Variants in BMP1 observed in about 807,000 individuals in gnomAD.
BMP1 encodes the protein bone morphogenetic protein 1.
A neutral mutation model predicts 116.8 loss-of-function variants in BMP1; 63 were observed. The observed-to-expected ratio is 0.54, with a 90% CI of 0.44 to 0.67. The LOEUF is 0.67. BMP1 is among the 30% of genes least tolerant of loss of function. The pLI, the probability that BMP1 is intolerant of heterozygous loss-of-function variation, is 0.00. For synonymous variants in BMP1, 536 were observed against 533.4 expected, an observed-to-expected ratio of 1.00 and a Z score of -0.07; for missense variants, 1,183 against 1,358.9, an observed-to-expected ratio of 0.87 and a Z score of 2.04.
chr8:22,201,364 C>T, intron 15 of BMP1: 1 of 1,478,244 alleles, frequency 6.8e-7, no homozygotes. Context: ...CCCACTGTGC[C>T]CGTCCGCGGA....
intron 15 of BMP1, 79 bp from the exon 16 acceptor site, chr8:22,201,724 C>G: frequency 6.3e-7 from 1 of 1,583,646 alleles, no homozygotes; most frequent in Non-Finnish European, 8.5e-7. Context: ...AAAGTCCAGC[C>G]AGGCCTCCAC....
intron 1 of BMP1, among the ~76,000 whole-genome samples, chr8:22,165,882 C>CTTGTGT: frequency 7.6e-6 from 1 of 131,418 alleles, no homozygotes; most frequent in South Asian, 2.6e-4. Context: ...CCTGTGCGTG[C>CTTGTGT]GTGTGTGTGT....
chr8:22,183,465 A>G (rs1165152775), intron 8 of BMP1, among the ~76,000 whole-genome samples: 1 of 152,164 alleles, frequency 6.6e-6, no homozygotes, highest in Non-Finnish European at 1.5e-5. Context: ...TCTACCAGCT[A>G]TGCCTTGGCT....
At chr8:22,203,850 T>C (rs1829304966) in intron 16 of BMP1, among the ~76,000 whole-genome samples, 1 of 152,208 alleles carries the variant, frequency 6.6e-6, no homozygotes, top group Non-Finnish European at 1.5e-5. Context: ...TTGTCTAAAC[T>C]GCATTCTGTC....
intron 5 of BMP1, 85 bp downstream of exon 5, chr8:22,177,224 C>CGCTCCA (rs1253828054): frequency 7.2e-7 from 1 of 1,381,464 alleles, no homozygotes; most frequent in Non-Finnish European, 9.8e-7. Context: ...CAGTGGCAGC[C>CGCTCCA]GCTCCAGCCA....
intron 9 of BMP1, among the ~76,000 whole-genome samples, chr8:22,192,812 C>T (rs1386957334): frequency 6.6e-6 from 1 of 152,162 alleles, no homozygotes; most frequent in African/African-American, 2.4e-5. Flanking sequence ...TTGCAGCAAG[C>T]CCGAGGAGCC....
At chr8:22,190,484 A>G (rs1828899762) in intron 8 of BMP1, among the ~76,000 whole-genome samples, 1 of 152,096 alleles carries the variant, frequency 6.6e-6, no homozygotes, top group Admixed American at 6.6e-5. Context: ...CTGAATGGAG[A>G]GTGGGGCCCT....
At chr8:22,199,334 T>C (rs1586466754) in intron 15 of BMP1, 1 of 1,348,582 alleles carries the variant, frequency 7.4e-7, no homozygotes, top group Non-Finnish European at 9.9e-7. Flanking sequence ...AGAAAGAGCC[T>C]GAAGACCTTC....
At chr8:22,192,944 T>TC (rs1227874210) in intron 9 of BMP1, among the ~76,000 whole-genome samples, 2 of 152,162 alleles carry the variant, frequency 1.3e-5, no homozygotes, top group African/African-American at 2.4e-5. Flanking sequence ...ACCTCTATTT[T>TC]CCCCCCAGTT....
chr8:22,190,671 T>C (rs570942425), intron 8 of BMP1, among the ~76,000 whole-genome samples: 10 of 152,330 alleles, frequency 6.6e-5, no homozygotes, highest in African/African-American at 1.9e-4. Flanking sequence ...GGTATTCTGA[T>C]AGGGCCCGTG....
At position 22,206,841 on chromosome 8, in the gene BMP1, C is replaced by T. The variant is rs574824143; in HGVS notation, c.2234-13C>T. The T allele has an allele frequency of 4.8e-5, 78 of 1,614,106 alleles. No individual in the cohort carries two copies. The South Asian group carries it at 5.3e-4, about 11-fold the overall frequency. ...TCCCTCTCTATCCCCTTCCGTCACT[C>T]GCTTCCCTGCAGCCGGCTGTGACCA... On this transcript the variant is annotated splice_polypyrimidine_tract_variant and intron_variant, in intron 16 of 19. Coordinates refer to ENST00000306385, the MANE Select transcript of BMP1 (RefSeq NM_006129.5).
At chr8:22,201,313 C>T in intron 15 of BMP1, 2 of 1,509,574 alleles carry the variant, frequency 1.3e-6, no homozygotes, top group Non-Finnish European at 1.8e-6. Flanking sequence ...GCCATTCCGG[C>T]CCACCTCCCT....
At position 22,211,985 on chromosome 8, in the gene BMP1, CCT is replaced by C; in HGVS notation, c.*262_*263del. The C allele has an allele frequency of 1.8e-6, 1 of 545,788 alleles. No individual in the cohort carries two copies. The highest frequency in any genetic ancestry group is 3.2e-5 in the East Asian group (1 of 31,668). 33.8% of individuals were successfully genotyped at this position (545,788 alleles called of 1,614,324 possible). A position where few individuals can be genotyped will look rare whatever the true frequency, so the allele number is the denominator to read the frequency against. ...CACAAGACATTTCGAAGTCATCATT[CCT>C]CTCTTAGGGGGCCCTGCCTGGTGGC... On this transcript the variant is annotated 3_prime_UTR_variant, in exon 20 of 20. Transcript: ENST00000306385.
Position 22,194,400 on chromosome 8 carries a change from A to T in BMP1, c.1298-45A>T. 6.2e-7 allele frequency: 1 copy of T among 1,610,084 alleles called. No individual in the cohort carries two copies. The highest frequency in any genetic ancestry group is 8.5e-7 in the Non-Finnish European group (1 of 1,177,626). On this transcript the variant is annotated intron_variant, in intron 10 of 19. Transcript: ENST00000306385. This position sits in a 1 kb window ranked among gnomAD's most constrained non-coding sequence, Gnocchi z 4.5. ...AAAGAGCTCCCTAGCAGGGCAAAGCATGCTGACTCACCACCCCTTCCCACC... is the reference window on the plus strand; with the variant it reads ...AAAGAGCTCCCTAGCAGGGCAAAGCTTGCTGACTCACCACCCCTTCCCACC...
intron 8 of BMP1, among the ~76,000 whole-genome samples, chr8:22,184,223 C>T (rs571602543): frequency 1.1e-4 from 16 of 152,296 alleles, no homozygotes; most frequent in East Asian, 5.8e-4. Context: ...CCTTCCTGTC[C>T]GGGAGTTTTT....
chr8:22,173,825 G>T, intron 2 of BMP1, 110 bp downstream of exon 2: 1 of 763,658 alleles, frequency 1.3e-6, no homozygotes, highest in East Asian at 2.9e-5. Flanking sequence ...GAGGCCATGA[G>T]TTTGACCCCA....
intron 15 of BMP1, chr8:22,201,206 C>G (rs770246003): frequency 1.9e-6 from 3 of 1,612,460 alleles, no homozygotes; most frequent in African/African-American, 1.3e-5. Flanking sequence ...CCCAGTGAGG[C>G]CTGCCAGGCC....
Position 22,207,377 on chromosome 8 carries a change from C to T in BMP1, c.2436C>T (p.Asp812=), listed in dbSNP as rs112461266. The change falls in exon 18 of 20, where the codon GAC becomes GAT. Residue 812 remains aspartate (D), a synonymous_variant. Transcript: ENST00000306385. ...YDHLEVFDGR[D]AKAPVLGRFC... is the part of the protein sequence containing the mutation. ...ACCTAGAGGTGTTCGACGGGCGAGA[C>T]GCCAAGGCCCCCGTCCTCGGCCGCT... The T allele has an allele frequency of 1.2e-4, 186 of 1,614,220 alleles. No homozygotes were observed. The African/African-American group carries it at 1.4e-3, about 12-fold the overall frequency.
chr8:22,195,614 C>A lies in BMP1; in HGVS notation c.1765+27C>A, dbSNP rs372003191. ...TGAGTGCCCCCAGACTGCCTCTGAC[C>A]CTGTTCTTTCCCTGGCACCAGCCCA... On this transcript the variant is annotated intron_variant, in intron 13 of 19. Coordinates refer to ENST00000306385, the MANE Select transcript of BMP1 (RefSeq NM_006129.5). The A allele has an allele frequency of 6.4e-4, 1,016 of 1,587,632 alleles. 4 individuals are homozygous for A. Among genetic ancestry groups the A allele is most frequent in the Middle Eastern group, 5.4e-3 (30 of 5,512 alleles).
Sources: gnomAD v4.1 joint callset for allele counts (sites outside exome capture counted in the v4.1 genomes callset) on GRCh38, gnomAD v4.1.1 for gene constraint, Gnocchi (gnomAD v3.1) non-coding constraint, MANE v1.5 for transcripts, NCBI Gene and HGNC (gene_info 2026-07-23, HGNC 2026-07-21) for gene names.